Variants in BMERB1 observed in about 807,000 individuals in gnomAD.
The protein encoded by BMERB1 is bMERB domain containing 1, also known as bMERB domain-containing protein 1.
A neutral mutation model predicts 23.6 loss-of-function variants in BMERB1; 12 were observed. The ratio of observed to expected loss-of-function variants is 0.51; its 90% CI spans 0.33 to 0.82. BMERB1 has a LOEUF of 0.82. BMERB1 is among the 40% of genes least tolerant of loss of function. The pLI is 0.03. For synonymous variants in BMERB1, 122 were observed against 96.6 expected (o/e 1.26, Z -1.54); for missense variants, 247 against 255.4 (o/e 0.97, Z 0.22).
chr16:15,457,952 GA>G (rs968440091), intron 1 of BMERB1, among the ~76,000 whole-genome samples: 1 of 152,158 alleles, frequency 6.6e-6, no homozygotes, highest in African/African-American at 2.4e-5. Flanking sequence ...CAAGAACAGG[GA>G]AAACTGCCTT....
At chr16:15,554,859 G>C (rs978810428) in intron 2 of BMERB1, among the ~76,000 whole-genome samples, 3 of 151,824 alleles carry the variant, frequency 2.0e-5, no homozygotes, top group Non-Finnish European at 1.5e-5. Flanking sequence ...GTAGAGACAG[G>C]GTTTCACCGT....
intron 2 of BMERB1, among the ~76,000 whole-genome samples, chr16:15,546,604 A>G (rs757070402): frequency 1.3e-5 from 2 of 152,232 alleles, no homozygotes; most frequent in Non-Finnish European, 2.9e-5. Context: ...CCCAGAGCTT[A>G]CATACCTTCT....
chr16:15,551,017 G>A (rs1229783960), intron 2 of BMERB1, among the ~76,000 whole-genome samples: 3 of 152,322 alleles, frequency 2.0e-5, no homozygotes, highest in Middle Eastern at 6.8e-3. Flanking sequence ...CTCGCAGCAG[G>A]TGACTGAGAG....
At chr16:15,585,999 C>G (rs2031129604) in intron 5 of BMERB1, among the ~76,000 whole-genome samples, 1 of 151,370 alleles carries the variant, frequency 6.6e-6, no homozygotes, top group Non-Finnish European at 1.5e-5. Flanking sequence ...GGAATAAAAC[C>G]CAAAATGAAA....
At chr16:15,478,682 A>C in intron 1 of BMERB1, among the ~76,000 whole-genome samples, 1 of 152,200 alleles carries the variant, frequency 6.6e-6, no homozygotes, top group Non-Finnish European at 1.5e-5. Flanking sequence ...GTGCCAAAGC[A>C]TTGGTGGGTA....
rs539938720 is a variant in BMERB1 at position 15,554,185 on chromosome 16, TC to T, written c.231-13796del. On this transcript the variant is annotated intron_variant, in intron 2 of 5. Coordinates refer to ENST00000300006, the MANE Select transcript of BMERB1 (RefSeq NM_033201.3). ...TCCCAGACTATCCTGATCTCTGTCT[TC>T]CTTGAACTCCAGTCACTGGCTGGAG... 2.5e-3 allele frequency among the ~76,000 whole-genome samples: 375 copies of T among 152,276 alleles called. 4 individuals carry two copies. Among genetic ancestry groups the T allele is most frequent in the African/African-American group, 8.5e-3 (352 of 41,556 alleles).
chr16:15,485,681 G>A (rs1349387518), intron 1 of BMERB1, among the ~76,000 whole-genome samples: 1 of 150,614 alleles, frequency 6.6e-6, no homozygotes, highest in Non-Finnish European at 1.5e-5. Flanking sequence ...GGAAACTGGG[G>A]AAAGACATTT....
intron 3 of BMERB1, among the ~76,000 whole-genome samples, chr16:15,575,436 A>G (rs1483112954): frequency 2.0e-5 from 3 of 152,246 alleles, no homozygotes; most frequent in African/African-American, 7.2e-5. Flanking sequence ...CTAGGTGCCT[A>G]GAATTTCCTT....
intron 1 of BMERB1, among the ~76,000 whole-genome samples, chr16:15,438,496 C>G (rs752168539): frequency 1.4e-5 from 2 of 147,414 alleles, no homozygotes; most frequent in Non-Finnish European, 3.0e-5. Context: ...GGGTCTTGCT[C>G]TGTCGCCCAG....
chr16:15,451,743 T>C (rs2150924383), intron 1 of BMERB1, among the ~76,000 whole-genome samples: 1 of 138,782 alleles, frequency 7.2e-6, no homozygotes, highest in East Asian at 2.1e-4. Flanking sequence ...ATTTTTTTTT[T>C]TTTTTTTTTT....
At chr16:15,523,647 G>C (rs915955195) in intron 2 of BMERB1, among the ~76,000 whole-genome samples, 5 of 152,162 alleles carry the variant, frequency 3.3e-5, no homozygotes, top group African/African-American at 1.2e-4. Flanking sequence ...ACTTTGTCCT[G>C]TTTCAGCCTC....
intron 1 of BMERB1, among the ~76,000 whole-genome samples, chr16:15,491,909 G>T (rs1411584583): frequency 6.6e-6 from 1 of 152,178 alleles, no homozygotes; most frequent in African/African-American, 2.4e-5. Flanking sequence ...CCTAAATGAT[G>T]TTGTTTGTTT....
chr16:15,553,830 G>A (rs540494804), intron 2 of BMERB1, among the ~76,000 whole-genome samples: 15 of 152,310 alleles, frequency 9.8e-5, no homozygotes, highest in Admixed American at 2.0e-4. Flanking sequence ...GTCTTAGACA[G>A]AAGGTCAAAG....
At chr16:15,449,563 A>C (rs754756802) in intron 1 of BMERB1, among the ~76,000 whole-genome samples, 2 of 151,644 alleles carry the variant, frequency 1.3e-5, no homozygotes, top group Non-Finnish European at 2.9e-5. Context: ...TTTTTTTTTA[A>C]GAGAGGGAGT....
At chr16:15,537,653 C>T (rs1011899491) in intron 2 of BMERB1, among the ~76,000 whole-genome samples, 1 of 147,894 alleles carries the variant, frequency 6.8e-6, no homozygotes, top group Non-Finnish European at 1.5e-5. Context: ...CATGCCCGGC[C>T]GAGAAATATA....
At chr16:15,563,261 T>C (rs143588498) in intron 2 of BMERB1, among the ~76,000 whole-genome samples, 1 of 152,222 alleles carries the variant, frequency 6.6e-6, no homozygotes, top group African/African-American at 2.4e-5. Flanking sequence ...GGAGACTCGC[T>C]CTGTTGCCCA....
At chr16:15,463,090 T>C (rs2150928550) in intron 1 of BMERB1, among the ~76,000 whole-genome samples, 1 of 152,092 alleles carries the variant, frequency 6.6e-6, no homozygotes, top group Admixed American at 6.6e-5. Flanking sequence ...TTTTTTTTTT[T>C]TTCTTCTGGA....
At chr16:15,455,836 G>A (rs974557888) in intron 1 of BMERB1, among the ~76,000 whole-genome samples, 5 of 152,160 alleles carry the variant, frequency 3.3e-5, no homozygotes, top group African/African-American at 1.2e-4. Context: ...ACAGTAGCAA[G>A]GCATTTAACC....
chr16:15,575,419 A>G (rs34348194), intron 3 of BMERB1, among the ~76,000 whole-genome samples: 3,471 of 152,310 alleles, frequency 0.023, 98 homozygotes, highest in African/African-American at 0.063. Flanking sequence ...TGACTTTTCA[A>G]GGCTAGCTAG....
Sources: gnomAD v4.1 joint callset for allele counts (sites outside exome capture counted in the v4.1 genomes callset) on GRCh38, gnomAD v4.1.1 for gene constraint, MANE v1.5 for transcripts, NCBI Gene and HGNC (gene_info 2026-07-23, HGNC 2026-07-21) for gene names.